Variants in TBKBP1 observed in about 807,000 individuals in gnomAD.
TBKBP1 encodes the protein TANK-binding kinase 1-binding protein 1.
In TBKBP1, 47 loss-of-function variants were observed where a neutral mutation model predicts 69.9. The observed-to-expected ratio is 0.67, with a 90% CI of 0.53 to 0.86. The LOEUF (loss-of-function observed/expected upper bound fraction) is 0.86. Among genes scored for constraint, TBKBP1 ranks in the 40% least tolerant of loss-of-function variants. The pLI is 0.00. For synonymous variants in TBKBP1, 418 were observed against 390.3 expected (o/e 1.07, Z -0.84); for missense variants, 831 against 858.6 (o/e 0.97, Z 0.40).
upstream of TBKBP1, chr17:47,694,096 A>G (rs1392160902): frequency 1.7e-5 from 1 of 59,244 alleles, no homozygotes; most frequent in African/African-American, 7.2e-5. Flanking sequence ...GGCGAGGAGC[A>G]GAGCGCGGTA....
At chr17:47,698,002 T>G (rs982112203) in intron 4 of TBKBP1, among the ~76,000 whole-genome samples, 1 of 142,712 alleles carries the variant, frequency 7.0e-6, no homozygotes. Flanking sequence ...CAGCCAACCC[T>G]AAGCTATGAC....
Position 47,709,445 on chromosome 17 carries a change from C to T in TBKBP1, c.1712C>T (p.Ser571Phe), listed in dbSNP as rs1328353883. Residue 571 changes from serine (S) to phenylalanine (F), a missense_variant, in exon 9 of 10, where the codon TCC (serine) becomes TTC (phenylalanine). Transcript: ENST00000578982. Reference protein sequence around the residue: ...AHAEHAQSWPSINLLMETVGS... With the variant: ...AHAEHAQSWPFINLLMETVGS... Reference sequence around the variant, plus strand: ...GCCGAGCACGCGCAGTCCTGGCCGTCCATCAACGTGAGTGGGGCGCCCGCG... The same window carrying T: ...GCCGAGCACGCGCAGTCCTGGCCGTTCATCAACGTGAGTGGGGCGCCCGCG... The T allele has an allele frequency of 6.5e-7, 1 of 1,528,484 alleles. No homozygotes were observed. Among genetic ancestry groups the T allele is most frequent in the South Asian group, 1.2e-5 (1 of 83,112 alleles). 94.7% of individuals were successfully genotyped at this position (1,528,484 alleles called of 1,614,324 possible). A position where few individuals can be genotyped will look rare whatever the true frequency, so the allele number is the denominator to read the frequency against.
At chr17:47,700,207 T>C (rs1487506969) in intron 7 of TBKBP1, among the ~76,000 whole-genome samples, 2 of 150,742 alleles carry the variant, frequency 1.3e-5, no homozygotes, top group Non-Finnish European at 3.0e-5. Flanking sequence ...GCCAGGATGG[T>C]CTCGATCTCC....
Position 47,709,086 on chromosome 17 carries a change from CGTGAAGGCCGGCTTCCAGGGCCGCCGCA to C in TBKBP1, c.1355_1382del (p.Val452AlafsTer115). On this transcript the variant is annotated frameshift_variant, in exon 9 of 10. Coordinates refer to ENST00000578982, the MANE Select transcript of TBKBP1 (RefSeq NM_001394755.1). LOFTEE classifies it high-confidence loss of function. ...CCTACGCCAAGCCGCCCAGCCACCA[CGTGAAGGCCGGCTTCCAGGGCCGCCGCA>C]GCTACTCTGAGCTGGCGGAGGGCGC... 3 of 1,356,296 alleles carry C rather than the reference CGTGAAGGCCGGCTTCCAGGGCCGCCGCA, an allele frequency of 2.2e-6. No individual in the cohort carries two copies. Among genetic ancestry groups the C allele is most frequent in the Non-Finnish European group, 2.8e-6 (3 of 1,059,378 alleles). 84.0% of individuals were successfully genotyped at this position (1,356,296 alleles called of 1,614,324 possible).
chr17:47,708,595 A>G lies in TBKBP1; in HGVS notation c.991+83A>G. On this transcript the variant is annotated intron_variant, in intron 8 of 9. Coordinates refer to ENST00000578982, the MANE Select transcript of TBKBP1 (RefSeq NM_001394755.1). This position sits in a 1 kb window ranked among gnomAD's most constrained non-coding sequence, Gnocchi z 4.4. The stretch of plus-strand genomic sequence containing the variant: ...CATGGCAACCATCTTGGTCATGGGG[A>G]CCACCCTTTATTTCCTTTCCTGTGG... 6.6e-7 allele frequency: 1 copy of G among 1,516,380 alleles called. No individual in the cohort carries two copies. The highest frequency in any genetic ancestry group is 9.0e-7 in the Non-Finnish European group (1 of 1,110,760). The allele number at this position is 1,516,380 out of a possible 1,614,324, so 93.9% of individuals were successfully genotyped here.
At chr17:47,705,542 C>T (rs1164767425) in intron 7 of TBKBP1, among the ~76,000 whole-genome samples, 3 of 152,224 alleles carry the variant, frequency 2.0e-5, no homozygotes. Flanking sequence ...CATCTGCTGC[C>T]ACTTACCTGA....
intron 6 of TBKBP1, 52 bp downstream of exon 6, chr17:47,699,547 C>A (rs1376573358): frequency 1.2e-6 from 2 of 1,610,286 alleles, no homozygotes; most frequent in Non-Finnish European, 1.7e-6. Context: ...TGGGCCTTCC[C>A]CACTGTGTGC....
chr17:47,697,194 G>A lies in TBKBP1; in HGVS notation c.453+1G>A, dbSNP rs1268443763. On this transcript the variant is annotated splice_donor_variant, in intron 4 of 9. Coordinates refer to ENST00000578982, the MANE Select transcript of TBKBP1 (RefSeq NM_001394755.1). LOFTEE classifies it high-confidence loss of function. Reference sequence around the variant, plus strand: ...CTTGGAGACAGAGCTGAGGGAGATGGTGAGGCCTGGGGAGCCGGAGGTGCT... The same window carrying A: ...CTTGGAGACAGAGCTGAGGGAGATGATGAGGCCTGGGGAGCCGGAGGTGCT... 6.2e-7 allele frequency: 1 copy of A among 1,611,622 alleles called. No homozygotes were observed. The highest frequency in any genetic ancestry group is 8.5e-7 in the Non-Finnish European group (1 of 1,178,720).
At chr17:47,699,139 GA>G (rs1315787369) in intron 5 of TBKBP1, among the ~76,000 whole-genome samples, 180 bp from the exon 6 acceptor site, 1 of 152,282 alleles carries the variant, frequency 6.6e-6, no homozygotes, top group East Asian at 1.9e-4. Flanking sequence ...TGGCCTCCAG[GA>G]AAATTAGAAA....
At position 47,698,739 on chromosome 17, in the gene TBKBP1, T is replaced by C. The variant is rs2031359478; in HGVS notation, c.598T>C (p.Tyr200His). ...APPCTDLDLHYLALRGGSGLS... is the reference protein window; with the variant it reads ...APPCTDLDLHHLALRGGSGLS... ...TCCCTGCACTGATTTAGACCTGCAC[T>C]ACCTGGCACTGAGAGGGGGATCTGG... The change falls in exon 5 of 10, where the codon TAC (tyrosine) becomes CAC (histidine). Residue 200 changes from tyrosine to histidine, a missense_variant. Transcript: ENST00000578982. 1 of 1,590,182 alleles carries C rather than the reference T, an allele frequency of 6.3e-7. No homozygotes were observed. The highest frequency in any genetic ancestry group is 1.1e-5 in the South Asian group (1 of 88,396).
At chr17:47,709,483 C>G (rs754779937) in intron 9 of TBKBP1, 31 bp downstream of exon 9, 1 of 1,472,206 alleles carries the variant, frequency 6.8e-7, no homozygotes, top group South Asian at 1.3e-5. Context: ...CCGCCCACCC[C>G]GGACCGGGCC....
chr17:47,696,466 A>G (rs1597953954), intron 2 of TBKBP1, 129 bp downstream of exon 2: 8 of 1,203,132 alleles, frequency 6.6e-6, no homozygotes, highest in East Asian at 2.5e-5. Context: ...AGGGTCTCCC[A>G]TGAGAGACGT....
intron 7 of TBKBP1, among the ~76,000 whole-genome samples, chr17:47,701,975 C>A (rs1312251877): frequency 6.6e-6 from 1 of 152,236 alleles, no homozygotes. Context: ...CTGGAGCCAG[C>A]CAGGCTCTGC....
At chr17:47,701,771 C>T (rs962483416) in intron 7 of TBKBP1, among the ~76,000 whole-genome samples, 7 of 152,228 alleles carry the variant, frequency 4.6e-5, no homozygotes, top group African/African-American at 1.7e-4. Context: ...CCGTATCATC[C>T]ACGCTGCCCA....
chr17:47,698,490 T>G (rs1344566221), intron 4 of TBKBP1, 105 bp from the exon 5 acceptor site: 2 of 1,215,924 alleles, frequency 1.6e-6, no homozygotes, highest in Non-Finnish European at 2.2e-6. Context: ...AGAGTGGGCT[T>G]GGGATGTGTG....
At chr17:47,699,597 G>A in intron 6 of TBKBP1, 39 bp from the exon 7 acceptor site, 7 of 1,613,990 alleles carry the variant, frequency 4.3e-6, no homozygotes, top group Non-Finnish European at 5.9e-6. Flanking sequence ...CCCTGGCAGG[G>A]GTGAGCTTGG....
intron 7 of TBKBP1, 49 bp downstream of exon 7, chr17:47,699,746 C>T: frequency 1.2e-6 from 2 of 1,605,428 alleles, no homozygotes; most frequent in South Asian, 1.1e-5. Context: ...TGGGAGACCT[C>T]CCCTCCCAGC....
chr17:47,708,602 T>A lies in TBKBP1; in HGVS notation c.991+90T>A. On this transcript the variant is annotated intron_variant, in intron 8 of 9. Coordinates refer to ENST00000578982, the MANE Select transcript of TBKBP1 (RefSeq NM_001394755.1). The surrounding 1 kb of genome is among the most constrained non-coding windows in gnomAD (Gnocchi z 4.4). ...ACCATCTTGGTCATGGGGACCACCC[T>A]TTATTTCCTTTCCTGTGGCCTGGAG... The A allele has an allele frequency of 6.7e-7, 1 of 1,486,806 alleles. No homozygotes were observed. The allele number at this position is 1,486,806 out of a possible 1,614,324, so 92.1% of individuals were successfully genotyped here.
intron 4 of TBKBP1, among the ~76,000 whole-genome samples, chr17:47,697,683 C>A (rs79796913): frequency 6.6e-6 from 1 of 152,044 alleles, no homozygotes; most frequent in Non-Finnish European, 1.5e-5. Flanking sequence ...AATCAAGAGA[C>A]AGGCCAGGTA....
Sources: gnomAD v4.1 joint callset for allele counts (sites outside exome capture counted in the v4.1 genomes callset) on GRCh38, gnomAD v4.1.1 for gene constraint, Gnocchi (gnomAD v3.1) non-coding constraint, MANE v1.5 for transcripts, NCBI Gene and HGNC (gene_info 2026-07-23, HGNC 2026-07-21) for gene names.